KAZN: variants seen among roughly 807,000 people sequenced by gnomAD.
KAZN encodes kazrin.
In KAZN, 40 loss-of-function variants were observed where a neutral mutation model predicts 87.4. That is an observed-to-expected ratio of 0.46 (90% CI 0.36 to 0.60). KAZN has a LOEUF of 0.60. KAZN is among the 20% of genes least tolerant of loss of function. The probability of loss-of-function intolerance (pLI) is 0.00; values close to 1 mark genes in which losing one functional copy is unlikely to be tolerated. For synonymous variants in KAZN, 466 were observed against 458.3 expected, an observed-to-expected ratio of 1.02 and a Z score of -0.22; for missense variants, 898 against 1,073.9, an observed-to-expected ratio of 0.84 and a Z score of 2.29.
chr1:14,266,027 A>G (rs184878730), intron 2 of KAZN, among the ~76,000 whole-genome samples: 75 of 152,308 alleles, frequency 4.9e-4, no homozygotes, highest in Admixed American at 2.0e-4. Flanking sequence ...TCTGATGTGA[A>G]CAGCTTTGTT....
At chr1:14,385,433 T>A (rs1267115722) in intron 2 of KAZN, among the ~76,000 whole-genome samples, 1 of 152,190 alleles carries the variant, frequency 6.6e-6, no homozygotes, top group Non-Finnish European at 1.5e-5. Flanking sequence ...CTTTCCTGCT[T>A]TCTCTTGTGG....
intron 1 of KAZN, among the ~76,000 whole-genome samples, chr1:14,093,530 G>A (rs1644056130): frequency 6.6e-6 from 1 of 152,146 alleles, no homozygotes; most frequent in African/African-American, 2.4e-5. Context: ...TGACAGGTAA[G>A]GAGATTCCTC....
At chr1:15,002,975 C>G (rs1205852519) in intron 2 of KAZN, among the ~76,000 whole-genome samples, 1 of 149,962 alleles carries the variant, frequency 6.7e-6, no homozygotes, top group Admixed American at 6.7e-5. Flanking sequence ...GAGTCCGTCT[C>G]AAAAAATAAA....
chr1:13,987,236 G>A (rs2101098113), intron 1 of KAZN, among the ~76,000 whole-genome samples: 1 of 152,150 alleles, frequency 6.6e-6, no homozygotes, highest in Admixed American at 6.5e-5. Context: ...ATGTGCCATG[G>A]TGGTTTGCTG....
rs1237331695 is a variant in KAZN, at chr1:14,130,415, AT to A, written c.92-50013del. Among the ~76,000 whole-genome samples the A allele has an allele frequency of 5.3e-5, 8 of 152,114 alleles. No homozygotes were observed. In the South Asian group the frequency reaches 6.2e-4, roughly 12 times the overall value. ...GTATATTTTCACCATTAATAAGCTG[AT>A]TTTTTTATTATTAAAAAAAATTCTG... On this transcript the variant is annotated intron_variant, in intron 1 of 16. Transcript: ENST00000636203.
chr1:14,984,632 A>G (rs189206816), intron 2 of KAZN, among the ~76,000 whole-genome samples: 4 of 152,266 alleles, frequency 2.6e-5, no homozygotes, highest in Admixed American at 2.6e-4. Context: ...CTATTTCTTG[A>G]TGCCAGTCTC....
intron 2 of KAZN, among the ~76,000 whole-genome samples, chr1:14,471,415 A>T (rs991715967): frequency 1.5e-4 from 23 of 152,200 alleles, no homozygotes; most frequent in African/African-American, 5.3e-4. Context: ...TTTTGTGTGC[A>T]ATTTCATCTG....
intron 1 of KAZN, among the ~76,000 whole-genome samples, chr1:14,786,657 G>T (rs530399724): frequency 6.6e-5 from 10 of 152,214 alleles, no homozygotes; most frequent in Admixed American, 6.5e-4. Flanking sequence ...GCACTCACTT[G>T]CTCTCTTTCC....
At chr1:14,111,341 G>T (rs1644495998) in intron 1 of KAZN, among the ~76,000 whole-genome samples, 1 of 82,048 alleles carries the variant, frequency 1.2e-5, no homozygotes, top group Non-Finnish European at 2.6e-5. Context: ...GTGCCTCCTA[G>T]AGACAGATCT....
intron 2 of KAZN, among the ~76,000 whole-genome samples, chr1:14,300,784 G>A (rs969619114): frequency 6.6e-6 from 1 of 152,194 alleles, no homozygotes. Context: ...AACCAAAAGG[G>A]ATTTCTCCCC....
At chr1:14,893,965 A>T (rs1654995360) in intron 1 of KAZN, among the ~76,000 whole-genome samples, 1 of 152,190 alleles carries the variant, frequency 6.6e-6, no homozygotes. Flanking sequence ...AGACCCAGCT[A>T]CAAAGGGAGG....
chr1:14,695,261 G>A (rs1403179338), intron 1 of KAZN, among the ~76,000 whole-genome samples: 2 of 152,118 alleles, frequency 1.3e-5, no homozygotes, highest in East Asian at 1.9e-4. Flanking sequence ...GCTACAACAT[G>A]GCCCTGGGGA....
chr1:14,431,097 G>A (rs553435701), intron 2 of KAZN, among the ~76,000 whole-genome samples: 1 of 152,294 alleles, frequency 6.6e-6, no homozygotes, highest in South Asian at 2.1e-4. Context: ...ATTAATGAAT[G>A]GGTGACCAAA....
At chr1:14,047,150 G>A (rs962154979) in intron 1 of KAZN, among the ~76,000 whole-genome samples, 5 of 152,258 alleles carry the variant, frequency 3.3e-5, no homozygotes, top group South Asian at 2.1e-4. Context: ...GTTTAGAAGC[G>A]GAACTAGTGG....
chr1:14,522,765 T>C (rs1671654378), intron 2 of KAZN, among the ~76,000 whole-genome samples: 1 of 152,210 alleles, frequency 6.6e-6, no homozygotes, highest in Non-Finnish European at 1.5e-5. Context: ...TTTGTGTGTG[T>C]TTCAGATGTA....
At chr1:14,565,308 A>G (rs1674490112) in intron 2 of KAZN, among the ~76,000 whole-genome samples, 1 of 152,248 alleles carries the variant, frequency 6.6e-6, no homozygotes, top group Non-Finnish European at 1.5e-5. Flanking sequence ...CAGTGCATAT[A>G]AAAGTTGTAT....
At chr1:14,265,974 T>C (rs545611667) in intron 2 of KAZN, among the ~76,000 whole-genome samples, 1 of 152,358 alleles carries the variant, frequency 6.6e-6, no homozygotes, top group African/African-American at 2.4e-5. Context: ...CCCTCGGGTG[T>C]TGTTTCTTTT....
intron 4 of KAZN, among the ~76,000 whole-genome samples, chr1:15,052,383 A>G (rs1402375325): frequency 6.6e-6 from 1 of 152,096 alleles, no homozygotes; most frequent in East Asian, 1.9e-4. Flanking sequence ...ATCTCAGGAG[A>G]CTTATTCACT....
intron 2 of KAZN, among the ~76,000 whole-genome samples, chr1:14,480,267 G>A (rs778763380): frequency 6.6e-6 from 1 of 152,204 alleles, no homozygotes; most frequent in Non-Finnish European, 1.5e-5. Flanking sequence ...TATAGGTCAG[G>A]TGGGCTCTGC....
Sources: gnomAD v4.1 joint callset for allele counts (sites outside exome capture counted in the v4.1 genomes callset) on GRCh38, gnomAD v4.1.1 for gene constraint, MANE v1.5 for transcripts, NCBI Gene and HGNC (gene_info 2026-07-23, HGNC 2026-07-21) for gene names.